KIAA0232: variants seen among roughly 807,000 people sequenced by gnomAD.
KIAA0232 encodes the protein uncharacterized protein KIAA0232.
In KIAA0232, 27 loss-of-function variants were observed where a neutral mutation model predicts 122.0. That is an observed-to-expected ratio of 0.22 (90% CI 0.16 to 0.31). The LOEUF is 0.31. Ranked by LOEUF, KIAA0232 falls within the 10% of genes least tolerant of loss-of-function variation. The pLI, the probability that KIAA0232 is intolerant of heterozygous loss-of-function variation, is 1.00. For missense variants in KIAA0232, 1,551 were observed against 1,634.2 expected (o/e 0.95, Z 0.88); for synonymous variants, 613 against 587.6 (o/e 1.04, Z -0.63).
chr4:6,807,022 C>CTG (rs746884068), intron 2 of KIAA0232, among the ~76,000 whole-genome samples: 1 of 111,098 alleles, frequency 9.0e-6, no homozygotes, highest in Non-Finnish European at 2.1e-5. Flanking sequence ...TCCTTTTTGT[C>CTG]TGTCTGTCTG....
intron 2 of KIAA0232, among the ~76,000 whole-genome samples, chr4:6,812,709 A>G (rs1717933822): frequency 6.6e-6 from 1 of 152,184 alleles, no homozygotes; most frequent in African/African-American, 2.4e-5. Context: ...GCAAGTGAAT[A>G]TATCGGTTGA....
rs1355803852 is a variant in KIAA0232, at chr4:6,824,491, C to T, written c.38C>T (p.Pro13Leu). ...PICTVVVDGL[P>L]SESSSSSYPG... is the part of the protein sequence containing the mutation. ...TGTACAGTTGTTGTGGATGGTTTGC[C>T]ATCTGAAAGCTCCTCAAGTTCTTAT... is the stretch of plus-strand genomic sequence containing the variant. Residue 13 changes from proline (P) to leucine (L), a missense_variant, in exon 3 of 10, where the codon CCA (proline) becomes CTA (leucine). Physicochemically the swap from Pro to Leu is moderately conservative, Grantham distance 98 (BLOSUM62 -3). This residue lies in a region of KIAA0232 where 37 missense variants were observed against 28.5 expected (regional missense o/e 1.30). Coordinates refer to ENST00000307659, the MANE Select transcript of KIAA0232 (RefSeq NM_014743.3). 6.2e-7 allele frequency: 1 copy of T among 1,614,194 alleles called. No individual in the cohort carries two copies. Among genetic ancestry groups the T allele is most frequent in the South Asian group, 1.1e-5 (1 of 91,084 alleles).
chr4:6,818,385 G>A (rs926354428), intron 2 of KIAA0232, among the ~76,000 whole-genome samples: 33 of 137,176 alleles, frequency 2.4e-4, no homozygotes, highest in African/African-American at 8.6e-4. Context: ...GGGCAACAGA[G>A]CAAGACTCCG....
intron 8 of KIAA0232, among the ~76,000 whole-genome samples, chr4:6,873,242 C>T (rs1387243501): frequency 6.6e-6 from 1 of 152,246 alleles, no homozygotes; most frequent in African/African-American, 2.4e-5. Flanking sequence ...ACACAGTTAA[C>T]TATTAAGCAT....
intron 4 of KIAA0232, among the ~76,000 whole-genome samples, chr4:6,850,572 C>A (rs145797852): frequency 2.1e-3 from 318 of 152,068 alleles, no homozygotes; most frequent in African/African-American, 7.6e-3. Context: ...CTAAGTAGTT[C>A]TCCATTGTGA....
intron 7 of KIAA0232, among the ~76,000 whole-genome samples, chr4:6,867,148 A>C (rs894367201): frequency 6.6e-6 from 1 of 152,172 alleles, no homozygotes; most frequent in African/African-American, 2.4e-5. Context: ...GATATACCGT[A>C]ATCTACCTAG....
intron 1 of KIAA0232, among the ~76,000 whole-genome samples, chr4:6,783,696 G>T (rs1385911687): frequency 6.6e-6 from 1 of 150,620 alleles, no homozygotes; most frequent in Non-Finnish European, 1.5e-5. Flanking sequence ...GGCGCGGCGC[G>T]GGGGGCGGGC....
chr4:6,791,684 C>T (rs900319393), intron 1 of KIAA0232, among the ~76,000 whole-genome samples: 4 of 152,112 alleles, frequency 2.6e-5, no homozygotes, highest in Non-Finnish European at 4.4e-5. Context: ...CCCTTCCTAT[C>T]CTGTATTCAT....
At position 6,811,057 on chromosome 4, in the gene KIAA0232, T is replaced by C. The variant is rs147133882; in HGVS notation, c.-270+6451T>C. Among the ~76,000 whole-genome samples the C allele has an allele frequency of 2.0e-4, 31 of 152,294 alleles. 1 individual carries two copies. In the East Asian group the frequency reaches 6.0e-3, roughly 29 times the overall value. On this transcript the variant is annotated intron_variant, in intron 2 of 9. Coordinates refer to ENST00000307659, the MANE Select transcript of KIAA0232 (RefSeq NM_014743.3). ...AGAGTATGGCGATTTCTTAAAGAAC[T>C]GAAAATAGAATGAGCATTCAATTCA...
chr4:6,786,774 C>G (rs1373543847), intron 1 of KIAA0232, among the ~76,000 whole-genome samples: 1 of 152,158 alleles, frequency 6.6e-6, no homozygotes, highest in Admixed American at 6.5e-5. Context: ...GTCATCTTTC[C>G]CATTTGTATC....
At chr4:6,839,385 A>G (rs1719521770) in intron 3 of KIAA0232, among the ~76,000 whole-genome samples, 1 of 152,218 alleles carries the variant, frequency 6.6e-6, no homozygotes, top group Non-Finnish European at 1.5e-5. Flanking sequence ...CCAAGACACC[A>G]TTAACACTTT....
intron 6 of KIAA0232, among the ~76,000 whole-genome samples, chr4:6,858,825 A>G (rs1720696595): frequency 6.6e-6 from 1 of 152,196 alleles, no homozygotes; most frequent in African/African-American, 2.4e-5. Flanking sequence ...AATTAGGATT[A>G]TCAGCCGGGC....
chr4:6,863,615 C>G lies in KIAA0232; in HGVS notation c.3233C>G (p.Ser1078Cys), dbSNP rs1164330028. ...PSFKPKSILC[S>C]DSDSEVFHPR... is the part of the protein sequence containing the mutation. ...TTTAAACCGAAATCAATCCTCTGTT[C>G]TGATTCAGACAGTGAAGTGTTTCAC... Residue 1078 changes from serine (S) to cysteine (C), a missense_variant, in exon 7 of 10, where the codon TCT (serine) becomes TGT (cysteine). Transcript: ENST00000307659. 5 of 1,614,152 alleles carry G rather than the reference C, an allele frequency of 3.1e-6. No individual in the cohort carries two copies. The South Asian group carries it at 3.3e-5, about 11-fold the overall frequency.
chr4:6,863,017 C>A lies in KIAA0232; in HGVS notation c.2635C>A (p.Arg879=). The change falls in exon 7 of 10, where the codon CGG becomes AGG. Residue 879 remains arginine, a synonymous_variant. Coordinates refer to ENST00000307659, the MANE Select transcript of KIAA0232 (RefSeq NM_014743.3). The part of the protein sequence containing the change: ...ETLQEPDKAV[R]RSEYHLWEGQ... The stretch of plus-strand genomic sequence containing the variant: ...CCTTCAGGAGCCTGATAAGGCTGTG[C>A]GGAGGTCAGAGTACCATCTGTGGGA... 6.2e-7 allele frequency: 1 copy of A among 1,614,084 alleles called. No homozygotes were observed.
At position 6,851,019 on chromosome 4, in the gene KIAA0232, C is replaced by G. The variant is rs1210077727; in HGVS notation, c.370-6145C>G. ...CTTGTGCGTATGTACAGTACTTTTTCTTGCATGTATACTTAGGCATCAGAT... is the reference window on the plus strand; with the variant it reads ...CTTGTGCGTATGTACAGTACTTTTTGTTGCATGTATACTTAGGCATCAGAT... On this transcript the variant is annotated intron_variant, in intron 4 of 9. Transcript: ENST00000307659. 2.0e-5 allele frequency among the ~76,000 whole-genome samples: 3 copies of G among 152,182 alleles called. No homozygotes were observed. In the East Asian group the frequency reaches 5.8e-4, roughly 29 times the overall value.
chr4:6,782,907 G>T (rs1349641201), intron 1 of KIAA0232, 66 bp downstream of exon 1: 1 of 150,736 alleles, frequency 6.6e-6, no homozygotes, highest in African/African-American at 2.4e-5. Flanking sequence ...GGCGCGGGCC[G>T]GGGAGGCCGG....
chr4:6,812,409 T>C (rs570585090), intron 2 of KIAA0232, among the ~76,000 whole-genome samples: 87 of 152,240 alleles, frequency 5.7e-4, no homozygotes, highest in Non-Finnish European at 9.1e-4. Context: ...GTAAGGGTCT[T>C]AGAACGCCAT....
At position 6,861,292 on chromosome 4, in the gene KIAA0232, G is replaced by GCC; in HGVS notation, c.910_911insCC (p.Gly304AlafsTer4). On this transcript the variant is annotated frameshift_variant, in exon 7 of 10. Transcript: ENST00000307659. LOFTEE classifies it high-confidence loss of function. ...AGGCTCAAGTTCCAGTGGGAATCAG[G>GCC]GAGAATTAAAAGCATCCATGAAGTA... 1 of 1,614,116 alleles carries GCC rather than the reference G, an allele frequency of 6.2e-7. No individual in the cohort carries two copies. The highest frequency in any genetic ancestry group is 8.5e-7 in the Non-Finnish European group (1 of 1,180,018).
chr4:6,796,899 GGTTATGTTA>G (rs1560161878), intron 1 of KIAA0232, among the ~76,000 whole-genome samples: 4 of 152,124 alleles, frequency 2.6e-5, no homozygotes, highest in Non-Finnish European at 5.9e-5. Flanking sequence ...TTGGTCACTT[GGTTATGTTA>G]GTCAGCATCC....
Sources: gnomAD v4.1 joint callset for allele counts (sites outside exome capture counted in the v4.1 genomes callset) on GRCh38, gnomAD v4.1.1 for gene constraint, gnomAD v4.1.1 regional missense constraint, MANE v1.5 for transcripts, NCBI Gene and HGNC (gene_info 2026-07-23, HGNC 2026-07-21) for gene names.